The following ANKRD36 variants were observed in gnomAD, a reference collection of about 807,000 sequenced individuals.
ANKRD36 encodes ankyrin repeat domain 36.
A neutral mutation model predicts 278.1 loss-of-function variants in ANKRD36; 179 were observed. The ratio of observed to expected loss-of-function variants is 0.64; its 90% CI spans 0.57 to 0.73. The LOEUF (loss-of-function observed/expected upper bound fraction) is 0.73, where lower values mean the gene tolerates loss of function less well. Among genes scored for constraint, ANKRD36 ranks in the 30% least tolerant of loss-of-function variants. The pLI is 0.00. For missense variants in ANKRD36, 1,159 were observed against 1,956.7 expected (o/e 0.59, Z 7.69); for synonymous variants, 320 against 641.1 (o/e 0.50, Z 7.57).
chr2:97,199,755 T>G (rs1487368918), intron 44 of ANKRD36, among the ~76,000 whole-genome samples: 53 of 151,990 alleles, frequency 3.5e-4, no homozygotes, highest in Admixed American at 1.3e-3. Context: ...TACATGGGTG[T>G]GAGAGATAAT....
intron 38 of ANKRD36, 83 bp downstream of exon 38, chr2:97,193,136 CGTT>C: frequency 7.7e-7 from 1 of 1,299,990 alleles, no homozygotes; most frequent in Non-Finnish European, 1.0e-6. Context: ...GCGGGGGGCT[CGTT>C]GAAGCTGCAC....
Position 97,179,670 on chromosome 2 carries a change from T to C in ANKRD36, c.1634-68T>C, listed in dbSNP as rs568251484. 4.4e-6 allele frequency: 7 copies of C among 1,587,234 alleles called. No individual in the cohort carries two copies. The South Asian group carries it at 5.6e-5, about 13-fold the overall frequency. ...AAACTTGATGCTAACATGCTATCCA[T>C]GCATTTATGTATGGATAACATTATC... On this transcript the variant is annotated intron_variant, in intron 22 of 75. Coordinates refer to ENST00000420699, the MANE Select transcript of ANKRD36 (RefSeq NM_001354587.1).
At chr2:97,169,085 G>C (rs1277882241) in intron 22 of ANKRD36, among the ~76,000 whole-genome samples, 1 of 152,288 alleles carries the variant, frequency 6.6e-6, no homozygotes, top group Non-Finnish European at 1.5e-5. Context: ...CAATATAAAA[G>C]CGTTCCTATT....
chr2:97,179,788 T>C (rs759885743), intron 23 of ANKRD36, 22 bp downstream of exon 23: 2 of 1,595,958 alleles, frequency 1.3e-6, no homozygotes, highest in Admixed American at 1.7e-5. Flanking sequence ...CTCATTTATA[T>C]GTTGAACTAT....
intron 22 of ANKRD36, among the ~76,000 whole-genome samples, chr2:97,168,260 C>A (rs2443865): frequency 6.6e-6 from 1 of 152,186 alleles, no homozygotes; most frequent in African/African-American, 2.4e-5. Flanking sequence ...TGTGTGTGTG[C>A]GCTTTTGTTT....
Position 97,211,733 on chromosome 2 carries a change from C to G in ANKRD36, c.3461C>G (p.Ser1154Cys). Reference protein sequence around the residue: ...MATEKKDEQISGTVSCQKQPA... With the variant: ...MATEKKDEQICGTVSCQKQPA... ...ACGGAAAAAAAGGATGAACAAATAT[C>G]TGGGACAGGTAATTTTGCAAACACA... Residue 1154 changes from serine to cysteine, a missense_variant, in exon 58 of 76, where the codon TCT becomes TGT. By Grantham distance (112) the Ser-to-Cys change is moderately radical (BLOSUM62 -1). Coordinates refer to ENST00000420699, the MANE Select transcript of ANKRD36 (RefSeq NM_001354587.1). 6.3e-7 allele frequency: 1 copy of G among 1,577,794 alleles called. No homozygotes were observed.
rs7564576 is a variant in ANKRD36, at chr2:97,226,958, T to G, written c.3951+2079T>G. 6.0e-3 allele frequency among the ~76,000 whole-genome samples: 909 copies of G among 151,910 alleles called. 68 individuals are homozygous for G. In the East Asian group the frequency reaches 0.1, roughly 17 times the overall value. On this transcript the variant is annotated intron_variant, in intron 67 of 75. Coordinates refer to ENST00000420699, the MANE Select transcript of ANKRD36 (RefSeq NM_001354587.1). Reference sequence around the variant, plus strand: ...TGTAGATATGCGGCGTTATTTCTGATGGCTCTGTTCTGTTCCATTGGTCTA... The same window carrying G: ...TGTAGATATGCGGCGTTATTTCTGAGGGCTCTGTTCTGTTCCATTGGTCTA...
intron 22 of ANKRD36, among the ~76,000 whole-genome samples, chr2:97,171,748 A>C (rs1472246155): frequency 6.6e-6 from 1 of 151,846 alleles, no homozygotes; most frequent in African/African-American, 2.4e-5. Context: ...AACAAAAAAA[A>C]CAAAAATTAA....
intron 15 of ANKRD36, among the ~76,000 whole-genome samples, chr2:97,156,168 A>G (rs2047376130): frequency 6.8e-6 from 1 of 146,910 alleles, no homozygotes; most frequent in African/African-American, 2.4e-5. Context: ...TAAATTTTTA[A>G]AGCCCCAACC....
At chr2:97,124,827 G>C (rs1489500868) in intron 5 of ANKRD36, among the ~76,000 whole-genome samples, 1 of 151,902 alleles carries the variant, frequency 6.6e-6, no homozygotes, top group African/African-American at 2.4e-5. Flanking sequence ...CAAGATTCTT[G>C]ATATTGAAAC....
chr2:97,115,130 T>C lies in ANKRD36; in HGVS notation c.197+1194T>C, dbSNP rs1325672657. On this transcript the variant is annotated intron_variant, in intron 1 of 75. Transcript: ENST00000420699. ...TTACAAGTAATGGCGAAAGCCGCAA[T>C]TGCCTTTGCACCAATCTAATAGAAT... Among the ~76,000 whole-genome samples, 4 of 152,214 alleles carry C rather than the reference T, an allele frequency of 2.6e-5. No homozygotes were observed. The East Asian group carries it at 5.8e-4, about 22-fold the overall frequency.
rs562271905 is a variant in ANKRD36 at position 97,205,998 on chromosome 2, G to T, written c.3090+30G>T. The T allele has an allele frequency of 1.7e-5, 27 of 1,548,160 alleles. No homozygotes were observed. In the South Asian group the frequency reaches 1.8e-4, roughly 10 times the overall value. On this transcript the variant is annotated intron_variant, in intron 51 of 75. Coordinates refer to ENST00000420699, the MANE Select transcript of ANKRD36 (RefSeq NM_001354587.1). ...TGAAACTCCCATTTATATTGTGAAC[G>T]AGTTAATATATGGTCTATGAAACAT...
chr2:97,190,849 A>C, intron 34 of ANKRD36, 129 bp from the exon 35 acceptor site: 1 of 1,385,908 alleles, frequency 7.2e-7, no homozygotes, highest in Non-Finnish European at 9.8e-7. Context: ...CAAGAGACAA[A>C]GTAGAAGACA....
chr2:97,132,240 C>T (rs1275827870), intron 6 of ANKRD36, among the ~76,000 whole-genome samples: 2 of 151,534 alleles, frequency 1.3e-5, no homozygotes, highest in East Asian at 1.9e-4. Flanking sequence ...AAGCAATCTT[C>T]CTGCCTCAGC....
rs2046757227 is a variant in ANKRD36 at position 97,153,862 on chromosome 2, T to A, written c.1194-813T>A. Among the ~76,000 whole-genome samples the A allele has an allele frequency of 2.0e-5, 3 of 146,800 alleles. 1 individual carries two copies. The highest frequency in any genetic ancestry group is 4.6e-5 in the Non-Finnish European group (3 of 64,926). On this transcript the variant is annotated intron_variant, in intron 14 of 75. Transcript: ENST00000420699. ...AGGAAGGAAGATATTTAGATAGTGA[T>A]GAATGAAATGAAGCTCTAAGTACTC... is the stretch of plus-strand genomic sequence containing the variant.
chr2:97,225,051 T>C (rs1247858246), intron 67 of ANKRD36, among the ~76,000 whole-genome samples, 172 bp downstream of exon 67: 1 of 151,764 alleles, frequency 6.6e-6, no homozygotes, highest in Admixed American at 6.6e-5. Context: ...AAAATAGTGT[T>C]GGAATCTATA....
At chr2:97,136,737 A>G (rs923769328) in intron 6 of ANKRD36, among the ~76,000 whole-genome samples, 16 of 151,994 alleles carry the variant, frequency 1.1e-4, no homozygotes, top group Non-Finnish European at 2.2e-4. Context: ...TTCTACACAT[A>G]CAGCAGATAA....
At chr2:97,177,093 T>A (rs980673070) in intron 22 of ANKRD36, among the ~76,000 whole-genome samples, 2 of 151,464 alleles carry the variant, frequency 1.3e-5, no homozygotes, top group African/African-American at 4.8e-5. Flanking sequence ...TCAAAGAGAA[T>A]AAAATACCTA....
rs2063938933 is a variant in ANKRD36 at position 97,209,923 on chromosome 2, A to AT, written c.3367+53dup. On this transcript the variant is annotated intron_variant, in intron 56 of 75. Transcript: ENST00000420699. ...CATGTTCAGTCCAGATAGGTAAGAA[A>AT]TTCTCTTCCCTGAATAAATCAGCGG... is the stretch of plus-strand genomic sequence containing the variant. 6 of 1,537,188 alleles carry AT rather than the reference A, an allele frequency of 3.9e-6. No individual in the cohort carries two copies. In the East Asian group the frequency reaches 1.5e-4, roughly 38 times the overall value.
Sources: allele counts gnomAD v4.1 joint callset (sites outside exome capture counted in the v4.1 genomes callset), GRCh38; gene constraint gnomAD v4.1.1; transcripts MANE v1.5; gene names NCBI Gene and HGNC (gene_info 2026-07-23, HGNC 2026-07-21).